The following KIAA0513 variants were observed in gnomAD, a reference collection of about 807,000 sequenced individuals.
KIAA0513 encodes the protein uncharacterized protein KIAA0513.
KIAA0513 carries 39 observed loss-of-function variants against 56.5 expected under a neutral mutation model. That is an observed-to-expected ratio of 0.69 (90% CI 0.53 to 0.90). KIAA0513 has a LOEUF of 0.90. KIAA0513 is among the 40% of genes least tolerant of loss of function. The probability of loss-of-function intolerance (pLI) is 0.00; values close to 1 mark genes in which losing one functional copy is unlikely to be tolerated. For missense variants in KIAA0513, 591 were observed against 535.2 expected, an observed-to-expected ratio of 1.10 and a Z score of -1.03; for synonymous variants, 268 against 215.6, an observed-to-expected ratio of 1.24 and a Z score of -2.13.
In KIAA0513 at chr16:85,076,106, C is replaced by A. The variant is rs2073652393; in HGVS notation, c.574+192C>A. ...AATCATGGGGCAGGAGGTTGACTGCCCAGGGTACGAAGGAAACTCTCCTGG... is the reference window on the plus strand; with the variant it reads ...AATCATGGGGCAGGAGGTTGACTGCACAGGGTACGAAGGAAACTCTCCTGG... On this transcript the variant is annotated intron_variant, in intron 5 of 12. Transcript: ENST00000683363. The surrounding 1 kb of genome is among the most constrained non-coding windows in gnomAD (Gnocchi z 4.7). Among the ~76,000 whole-genome samples the A allele has an allele frequency of 6.6e-6, 1 of 150,972 alleles. No homozygotes were observed. Among genetic ancestry groups the A allele is most frequent in the East Asian group, 1.9e-4 (1 of 5,184 alleles).
rs1454118674 is a variant in KIAA0513 at position 85,093,455 on chromosome 16, T to G, written c.*5130T>G. ...CCTGACAAAACAGTCAGAGCCTGAG[T>G]GCACTGCAGCCTGAACTCCCTTGAG... On this transcript the variant is annotated 3_prime_UTR_variant, in exon 13 of 13. Coordinates refer to ENST00000683363, the MANE Select transcript of KIAA0513 (RefSeq NM_001388359.1). The G allele has an allele frequency of 1.3e-5, 2 of 152,582 alleles. No homozygotes were observed. Among genetic ancestry groups the G allele is most frequent in the African/African-American group, 4.8e-5 (2 of 41,434 alleles). The allele number at this position is 152,582 out of a possible 1,614,324, so 9.5% of individuals were successfully genotyped here. A position where few individuals can be genotyped will look rare whatever the true frequency, so the allele number is the denominator to read the frequency against.
chr16:85,084,655 C>T (rs192294824), intron 10 of KIAA0513, among the ~76,000 whole-genome samples: 47 of 152,296 alleles, frequency 3.1e-4, no homozygotes, highest in African/African-American at 1.1e-3. Context: ...CCTCAAACTC[C>T]TGACCTCAGG....
chr16:85,051,377 G>C (rs1013645384), intron 1 of KIAA0513, among the ~76,000 whole-genome samples: 2 of 152,140 alleles, frequency 1.3e-5, no homozygotes, highest in African/African-American at 4.8e-5. Context: ...AGTTTTAGTG[G>C]AGAAGAACTG....
chr16:85,080,097 C>CCAGAGGG lies in KIAA0513; in HGVS notation c.902+1112_902+1118dup, dbSNP rs150960103. On this transcript the variant is annotated intron_variant, in intron 8 of 12. Transcript: ENST00000683363. ...CTTGGCCAGGGAGCGCTGCCGGGACCCAGAGGGCAGAGGGCAGAGGGCAGG... is the reference window on the plus strand; with the variant it reads ...CTTGGCCAGGGAGCGCTGCCGGGACCCAGAGGGCAGAGGGCAGAGGGCAGAGGGCAGG... Among the ~76,000 whole-genome samples the CCAGAGGG allele has an allele frequency of 1.2e-4, 19 of 152,224 alleles. No individual in the cohort carries two copies. The East Asian group carries it at 2.3e-3, about 19-fold the overall frequency.
At chr16:85,031,205 G>C (rs1313984023) in intron 1 of KIAA0513, among the ~76,000 whole-genome samples, 2 of 152,194 alleles carry the variant, frequency 1.3e-5, no homozygotes, top group African/African-American at 4.8e-5. Flanking sequence ...CCTTGGCTGG[G>C]TGTGGTGGCT....
chr16:85,054,734 T>C (rs1486779709), intron 1 of KIAA0513, among the ~76,000 whole-genome samples: 1 of 151,814 alleles, frequency 6.6e-6, no homozygotes, highest in African/African-American at 2.4e-5. Context: ...CCAGCCAAAA[T>C]CCATGTTTCT....
chr16:85,084,437 T>C (rs1170666377), intron 10 of KIAA0513, among the ~76,000 whole-genome samples: 1 of 145,948 alleles, frequency 6.9e-6, no homozygotes, highest in African/African-American at 2.5e-5. Context: ...CTCTTTTTTT[T>C]TTTTTTTTTG....
chr16:85,075,155 C>G (rs2073637837), intron 4 of KIAA0513, among the ~76,000 whole-genome samples: 1 of 135,560 alleles, frequency 7.4e-6, no homozygotes. Flanking sequence ...TACTTTTAGT[C>G]TTTTATAGTT....
At chr16:85,030,860 G>C (rs11860489) in intron 1 of KIAA0513, among the ~76,000 whole-genome samples, 1 of 152,062 alleles carries the variant, frequency 6.6e-6, no homozygotes, top group East Asian at 1.9e-4. Flanking sequence ...AGGAATTCAC[G>C]GGGAGGTTGG....
At chr16:85,042,904 G>A (rs2073122667) in intron 1 of KIAA0513, among the ~76,000 whole-genome samples, 1 of 152,174 alleles carries the variant, frequency 6.6e-6, no homozygotes, top group African/African-American at 2.4e-5. Flanking sequence ...CTTTTGAAAT[G>A]TCTGAAATTG....
chr16:85,090,703 T>C lies in KIAA0513; in HGVS notation c.*2378T>C, dbSNP rs542225631. ...GAAGGCTGACAGAGAAGGTCTCCTCTGTGCTCCATCCACACAGGATGCCGG... is the reference window on the plus strand; with the variant it reads ...GAAGGCTGACAGAGAAGGTCTCCTCCGTGCTCCATCCACACAGGATGCCGG... On this transcript the variant is annotated 3_prime_UTR_variant, in exon 13 of 13. Transcript: ENST00000683363. 2.6e-5 allele frequency: 4 copies of C among 152,318 alleles called. No homozygotes were observed. The highest frequency in any genetic ancestry group is 5.9e-5 in the Non-Finnish European group (4 of 68,092). 9.4% of individuals were successfully genotyped at this position (152,318 alleles called of 1,614,324 possible).
At chr16:85,065,602 G>A (rs1388881351) in intron 1 of KIAA0513, among the ~76,000 whole-genome samples, 1 of 152,228 alleles carries the variant, frequency 6.6e-6, no homozygotes, top group Non-Finnish European at 1.5e-5. Flanking sequence ...AAGCTCTTAA[G>A]AGGCAGAAAA....
At chr16:85,045,094 G>T (rs190283361) in intron 1 of KIAA0513, among the ~76,000 whole-genome samples, 76 of 152,132 alleles carry the variant, frequency 5.0e-4, no homozygotes, top group African/African-American at 1.8e-3. Context: ...CTGCAGCCTG[G>T]GGGACAGAGC....
At chr16:85,069,208 T>G (rs565470606) in intron 2 of KIAA0513, among the ~76,000 whole-genome samples, 12 of 137,226 alleles carry the variant, frequency 8.7e-5, no homozygotes, top group East Asian at 2.1e-4. Flanking sequence ...TTTTTTTGTG[T>G]TTTTTTTTTT....
At chr16:85,072,242 G>A (rs894837232) in intron 3 of KIAA0513, among the ~76,000 whole-genome samples, 2 of 152,094 alleles carry the variant, frequency 1.3e-5, no homozygotes, top group African/African-American at 4.8e-5. Context: ...AGCTCATTTG[G>A]ATGTCGCACT....
intron 9 of KIAA0513, among the ~76,000 whole-genome samples, chr16:85,082,152 C>T (rs952628408): frequency 6.6e-6 from 1 of 152,180 alleles, no homozygotes; most frequent in African/African-American, 2.4e-5. Flanking sequence ...GGGGAAGACT[C>T]GAGTCTACCA....
Position 85,066,989 on chromosome 16 carries a change from A to G in KIAA0513, c.-83A>G. ...CTTGTGAGCTTGGTGGGCTCCTACT[A>G]ACGCACCTGGGACACCAGGCTGCTG... On this transcript the variant is annotated 5_prime_UTR_variant, in exon 2 of 13. Coordinates refer to ENST00000683363, the MANE Select transcript of KIAA0513 (RefSeq NM_001388359.1). 1 of 1,272,954 alleles carries G rather than the reference A, an allele frequency of 7.9e-7. No homozygotes were observed. Among genetic ancestry groups the G allele is most frequent in the Non-Finnish European group, 1.1e-6 (1 of 931,588 alleles). The allele number at this position is 1,272,954 out of a possible 1,614,324, so 78.9% of individuals were successfully genotyped here.
intron 10 of KIAA0513, among the ~76,000 whole-genome samples, chr16:85,082,960 G>C (rs903639404): frequency 2.0e-5 from 3 of 152,256 alleles, no homozygotes; most frequent in African/African-American, 7.2e-5. Context: ...CAGCCACTCC[G>C]GCCCCTTCTG....
At chr16:85,037,355 G>T (rs1380385123) in intron 1 of KIAA0513, among the ~76,000 whole-genome samples, 1 of 152,136 alleles carries the variant, frequency 6.6e-6, no homozygotes, top group Non-Finnish European at 1.5e-5. Flanking sequence ...TGACTTCCTT[G>T]AGTCAGGGGA....
Sources: allele counts gnomAD v4.1 joint callset (sites outside exome capture counted in the v4.1 genomes callset), GRCh38; gene constraint gnomAD v4.1.1; non-coding constraint Gnocchi (gnomAD v3.1); transcripts MANE v1.5; gene names NCBI Gene and HGNC (gene_info 2026-07-23, HGNC 2026-07-21).